The following CDC14A variants were observed in gnomAD, a reference collection of about 807,000 sequenced individuals.
The protein encoded by CDC14A is dual specificity protein phosphatase CDC14A.
CDC14A carries 53 observed loss-of-function variants against 74.4 expected under a neutral mutation model. The observed-to-expected ratio is 0.71, with a 90% CI of 0.57 to 0.89. The LOEUF (loss-of-function observed/expected upper bound fraction) is 0.89. Among genes scored for constraint, CDC14A ranks in the 40% least tolerant of loss-of-function variants. The pLI is 0.00. For missense variants in CDC14A, 646 were observed against 713.7 expected (o/e 0.91, Z 1.08); for synonymous variants, 247 against 258.4 (o/e 0.96, Z 0.43).
At chr1:100,429,847 A>G (rs1264466640) in intron 5 of CDC14A, among the ~76,000 whole-genome samples, 2 of 151,606 alleles carry the variant, frequency 1.3e-5, no homozygotes, top group East Asian at 3.9e-4. Flanking sequence ...TGTTTTAAAG[A>G]TTCTGAATGG....
chr1:100,484,049 AG>A (rs1159857553), intron 10 of CDC14A, among the ~76,000 whole-genome samples: 1 of 152,192 alleles, frequency 6.6e-6, no homozygotes, highest in Non-Finnish European at 1.5e-5. Context: ...GGACTTCAGC[AG>A]TCAACTATAT....
intron 4 of CDC14A, among the ~76,000 whole-genome samples, chr1:100,397,266 A>G (rs1433929375): frequency 1.3e-5 from 2 of 152,198 alleles, no homozygotes; most frequent in Non-Finnish European, 2.9e-5. Flanking sequence ...TGCCTCTACT[A>G]GTAGAGCATC....
At chr1:100,393,962 A>AAATAT in intron 4 of CDC14A, 4 of 217,524 alleles carry the variant, frequency 1.8e-5, no homozygotes, top group South Asian at 7.1e-5. Context: ...CGCAAAAAAA[A>AAATAT]ATATATATAT....
At chr1:100,368,980 T>C (rs1024938689) in intron 2 of CDC14A, among the ~76,000 whole-genome samples, 6 of 152,348 alleles carry the variant, frequency 3.9e-5, no homozygotes, top group African/African-American at 1.4e-4. Flanking sequence ...ATGGTAGTTC[T>C]GTTTTAAGTT....
intron 8 of CDC14A, among the ~76,000 whole-genome samples, chr1:100,459,116 C>CAGAGAGAGAGAGAGAGAGAG (rs1667045533): frequency 6.8e-6 from 1 of 147,960 alleles, no homozygotes; most frequent in African/African-American, 2.6e-5. Context: ...CACACACACA[C>CAGAGAGAGAGAGAGAGAGAG]ACACACACAC....
In CDC14A at chr1:100,468,109, C is replaced by T. The variant is rs933130318; in HGVS notation, c.977+15C>T. 25 of 1,613,134 alleles carry T rather than the reference C, an allele frequency of 1.5e-5. No homozygotes were observed. Among genetic ancestry groups the T allele is most frequent in the Non-Finnish European group, 1.6e-5 (19 of 1,179,622 alleles). On this transcript the variant is annotated intron_variant, in intron 10 of 15. Coordinates refer to ENST00000336454, the MANE Select transcript of CDC14A (RefSeq NM_003672.4). ...TTCCTGGAAGAGTAAGTATATTGTCCCCATTACCACATTATATCCTGTTCT... is the reference window on the plus strand; with the variant it reads ...TTCCTGGAAGAGTAAGTATATTGTCTCCATTACCACATTATATCCTGTTCT...
At chr1:100,368,996 G>T (rs1654033870) in intron 2 of CDC14A, among the ~76,000 whole-genome samples, 1 of 152,034 alleles carries the variant, frequency 6.6e-6, no homozygotes, top group South Asian at 2.1e-4. Flanking sequence ...AAGTTTTTTT[G>T]AGAAATCTCC....
intron 15 of CDC14A, among the ~76,000 whole-genome samples, chr1:100,514,767 A>G (rs1190584691): frequency 6.6e-6 from 1 of 152,232 alleles, no homozygotes; most frequent in African/African-American, 2.4e-5. Context: ...GAAGTACTCA[A>G]ATATCTAGTT....
intron 2 of CDC14A, among the ~76,000 whole-genome samples, chr1:100,365,963 C>T (rs937800082): frequency 1.3e-5 from 2 of 152,012 alleles, no homozygotes; most frequent in African/African-American, 2.4e-5. Flanking sequence ...CACACACACA[C>T]ACACACACAC....
intron 4 of CDC14A, among the ~76,000 whole-genome samples, chr1:100,399,977 C>T (rs1659051971): frequency 6.6e-6 from 1 of 152,190 alleles, no homozygotes; most frequent in African/African-American, 2.4e-5. Context: ...ATAGACCTTT[C>T]CTGCTGTTAC....
intron 4 of CDC14A, chr1:100,392,999 A>T: frequency 7.9e-7 from 1 of 1,268,492 alleles, no homozygotes; most frequent in Non-Finnish European, 1.1e-6. Flanking sequence ...GCCTTTTGTG[A>T]GAGCCCAACT....
chr1:100,484,550 G>T, intron 11 of CDC14A, 99 bp downstream of exon 11: 3 of 1,358,954 alleles, frequency 2.2e-6, no homozygotes, highest in Non-Finnish European at 2.9e-6. Context: ...TTCTCTGGAT[G>T]CCACGAGTAC....
chr1:100,351,897 C>A, upstream of CDC14A: 1 of 1,194,746 alleles, frequency 8.4e-7, no homozygotes, highest in Non-Finnish European at 1.2e-6. Flanking sequence ...TGCAGACCCC[C>A]TCAGTGTTGG....
At chr1:100,409,269 C>G (rs947642638) in intron 4 of CDC14A, among the ~76,000 whole-genome samples, 5 of 152,176 alleles carry the variant, frequency 3.3e-5, no homozygotes, top group African/African-American at 1.2e-4. Flanking sequence ...CAGACACCTC[C>G]CATCGGGTCC....
At chr1:100,517,317 T>C (rs955215014) in intron 15 of CDC14A, among the ~76,000 whole-genome samples, 1 of 152,210 alleles carries the variant, frequency 6.6e-6, no homozygotes, top group African/African-American at 2.4e-5. Context: ...GTTAATGAAA[T>C]GTTACAGACT....
chr1:100,462,569 C>A, intron 8 of CDC14A, 82 bp from the exon 9 acceptor site: 1 of 1,084,708 alleles, frequency 9.2e-7, no homozygotes. Flanking sequence ...GATTTATACA[C>A]TTCATTGTTG....
chr1:100,455,479 C>T lies in CDC14A; in HGVS notation c.594C>T (p.Ser198=). ...FLAFSGPHPK[S]KIENGYPLHA... ...CATTTAGTGGACCACATCCTAAAAG[C>T]AAAATTGAGAATGGTAGGTTTTTTT... The change falls in exon 8 of 16, where the codon AGC becomes AGT. Residue 198 remains serine, a synonymous_variant. Coordinates refer to ENST00000336454, the MANE Select transcript of CDC14A (RefSeq NM_003672.4). 1.3e-6 allele frequency: 2 copies of T among 1,581,450 alleles called. No individual in the cohort carries two copies. Among genetic ancestry groups the T allele is most frequent in the Non-Finnish European group, 1.7e-6 (2 of 1,165,332 alleles).
At chr1:100,401,365 T>G (rs1334935203) in intron 4 of CDC14A, among the ~76,000 whole-genome samples, 3 of 152,210 alleles carry the variant, frequency 2.0e-5, no homozygotes, top group African/African-American at 7.2e-5. Context: ...AAATAAGTCT[T>G]GGTTGACTTC....
upstream of CDC14A, among the ~76,000 whole-genome samples, chr1:100,348,207 G>A (rs61277692): frequency 0.11 from 17,276 of 150,932 alleles, 2,955 homozygotes; most frequent in African/African-American, 0.37. Flanking sequence ...GCTTGAACCC[G>A]GGAGGCAGAG....
Sources: allele counts gnomAD v4.1 joint callset (sites outside exome capture counted in the v4.1 genomes callset), GRCh38; gene constraint gnomAD v4.1.1; transcripts MANE v1.5; gene names NCBI Gene and HGNC (gene_info 2026-07-23, HGNC 2026-07-21).